IL18R1: variants seen among roughly 807,000 people sequenced by gnomAD.
IL18R1 encodes interleukin 18 receptor 1.
IL18R1 carries 40 observed loss-of-function variants against 48.5 expected under a neutral mutation model. The ratio of observed to expected loss-of-function variants is 0.82; its 90% CI spans 0.64 to 1.07. The LOEUF (loss-of-function observed/expected upper bound fraction) is 1.07. IL18R1 is among the 50% of genes least tolerant of loss of function. The pLI, the probability that IL18R1 is intolerant of heterozygous loss-of-function variation, is 0.00. For missense variants in IL18R1, 596 were observed against 633.7 expected (o/e 0.94, Z 0.64); for synonymous variants, 232 against 225.9 (o/e 1.03, Z -0.24).
At chr2:102,359,201 G>T (rs1013619036) in intron 1 of IL18R1, among the ~76,000 whole-genome samples, 2 of 152,120 alleles carry the variant, frequency 1.3e-5, no homozygotes, top group Non-Finnish European at 2.9e-5. Context: ...GGTATTTGAG[G>T]AAAGTAAGTT....
At position 102,382,274 on chromosome 2, in the gene IL18R1, A is replaced by AAATAAT. The variant is rs963661956; in HGVS notation, c.688+604_688+609dup. On this transcript the variant is annotated intron_variant, in intron 6 of 10. Transcript: ENST00000233957. The stretch of plus-strand genomic sequence containing the variant: ...GCAACGGAGCAAGACTCTATCTCAA[A>AAATAAT]AATAATAATAATAATAACAATAATA... Among the ~76,000 whole-genome samples the AAATAAT allele has an allele frequency of 4.1e-3, 625 of 152,140 alleles. 5 individuals are homozygous for AAATAAT. Among genetic ancestry groups the AAATAAT allele is most frequent in the African/African-American group, 0.014 (592 of 41,494 alleles).
At chr2:102,366,360 A>C (rs1168436607) in intron 2 of IL18R1, among the ~76,000 whole-genome samples, 2 of 152,174 alleles carry the variant, frequency 1.3e-5, no homozygotes, top group African/African-American at 4.8e-5. Flanking sequence ...CCTCATCTCC[A>C]TCTGAGACCA....
At chr2:102,360,736 C>T (rs6543123) in intron 1 of IL18R1, among the ~76,000 whole-genome samples, 66,807 of 152,018 alleles carry the variant, frequency 0.44, 16,463 homozygotes, top group African/African-American at 0.66. Context: ...TTAAGAGTTA[C>T]GGAAAAGCAA....
At chr2:102,357,501 A>G (rs975478335) in intron 1 of IL18R1, among the ~76,000 whole-genome samples, 1 of 151,190 alleles carries the variant, frequency 6.6e-6, no homozygotes, top group Non-Finnish European at 1.5e-5. Flanking sequence ...AAAAAAAAAA[A>G]AGAAAAAAAA....
chr2:102,378,461 C>A (rs929336746), intron 5 of IL18R1, among the ~76,000 whole-genome samples: 1 of 152,222 alleles, frequency 6.6e-6, no homozygotes, highest in African/African-American at 2.4e-5. Flanking sequence ...CAAACCTCAC[C>A]TGCAGCACAA....
Position 102,390,052 on chromosome 2 carries a change from C to T in IL18R1, c.950-4C>T. 7 of 1,613,282 alleles carry T rather than the reference C, an allele frequency of 4.3e-6. No individual in the cohort carries two copies. The highest frequency in any genetic ancestry group is 4.0e-5 in the African/African-American group (3 of 74,970). The stretch of plus-strand genomic sequence containing the variant: ...TTCTTTTCCTTTTTCCCTTTCTTTT[C>T]TAGCAGACATGGCTGATATCCCAGG... On this transcript the variant is annotated splice_polypyrimidine_tract_variant and splice_region_variant and intron_variant, in intron 8 of 10. Coordinates refer to ENST00000233957, the MANE Select transcript of IL18R1 (RefSeq NM_003855.5).
At chr2:102,383,895 G>A (rs1172832013) in intron 6 of IL18R1, among the ~76,000 whole-genome samples, 1 of 152,030 alleles carries the variant, frequency 6.6e-6, no homozygotes. Context: ...CTTTCAAACA[G>A]TTACAGTTTT....
intron 2 of IL18R1, among the ~76,000 whole-genome samples, chr2:102,366,672 T>A (rs1358899233): frequency 2.6e-5 from 4 of 152,104 alleles, no homozygotes; most frequent in African/African-American, 9.7e-5. Flanking sequence ...GGAGAAAGAT[T>A]TAATGGACTC....
chr2:102,380,797 A>G (rs1179900883), intron 5 of IL18R1, among the ~76,000 whole-genome samples: 1 of 152,182 alleles, frequency 6.6e-6, no homozygotes, highest in Non-Finnish European at 1.5e-5. Context: ...GATGTTCTGG[A>G]CATTGCTTGG....
chr2:102,387,537 C>G (rs1018774867), intron 8 of IL18R1, among the ~76,000 whole-genome samples: 41 of 152,204 alleles, frequency 2.7e-4, no homozygotes, highest in Admixed American at 1.3e-4. Flanking sequence ...GATGGAGGGC[C>G]CCAGGGTCGC....
intron 8 of IL18R1, 129 bp downstream of exon 8, chr2:102,387,129 T>C (rs1017886345): frequency 1.0e-6 from 1 of 956,038 alleles, no homozygotes; most frequent in African/African-American, 1.7e-5. Context: ...AGTCACCTCA[T>C]GTCACAGGCA....
At chr2:102,380,457 T>C (rs904589154) in intron 5 of IL18R1, among the ~76,000 whole-genome samples, 4 of 152,178 alleles carry the variant, frequency 2.6e-5, no homozygotes, top group Non-Finnish European at 5.9e-5. Flanking sequence ...CAAGCCGGTG[T>C]TGCTTCTTAC....
At chr2:102,359,801 C>T (rs1678470049) in intron 1 of IL18R1, among the ~76,000 whole-genome samples, 1 of 152,210 alleles carries the variant, frequency 6.6e-6, no homozygotes, top group Non-Finnish European at 1.5e-5. Flanking sequence ...AATCACTGTA[C>T]TGCCATCGAG....
chr2:102,391,275 C>T (rs1310690930), intron 9 of IL18R1, among the ~76,000 whole-genome samples: 1 of 152,142 alleles, frequency 6.6e-6, no homozygotes, highest in Non-Finnish European at 1.5e-5. Context: ...TCCCACCCCT[C>T]ATTGATAGCA....
chr2:102,365,501 G>C (rs780029816), intron 2 of IL18R1, among the ~76,000 whole-genome samples: 2 of 152,176 alleles, frequency 1.3e-5, no homozygotes, highest in South Asian at 4.1e-4. Context: ...TCATGGGCTG[G>C]TGTTGAGTTT....
intron 5 of IL18R1, among the ~76,000 whole-genome samples, 168 bp from the exon 6 acceptor site, chr2:102,381,452 G>T (rs1417710259): frequency 2.0e-5 from 3 of 152,190 alleles, no homozygotes; most frequent in Non-Finnish European, 4.4e-5. Flanking sequence ...GATACAAGGT[G>T]CTTTCAACAT....
intron 4 of IL18R1, among the ~76,000 whole-genome samples, chr2:102,375,428 G>T (rs1022549665): frequency 6.6e-6 from 1 of 152,126 alleles, no homozygotes; most frequent in Non-Finnish European, 1.5e-5. Flanking sequence ...GGTGTGGGTG[G>T]TCTGCTAGCT....
In IL18R1 at chr2:102,398,681, C is replaced by T. The variant is rs1680941056; in HGVS notation, c.*1795C>T. 1 of 152,296 alleles carries T rather than the reference C, an allele frequency of 6.6e-6. No individual in the cohort carries two copies. The allele number at this position is 152,296 out of a possible 1,614,324, so 9.4% of individuals were successfully genotyped here. ...TTTAAAATACTTGAAATATATTTTG[C>T]ATTAAATGCATTTCAAGTTAAATGT... On this transcript the variant is annotated 3_prime_UTR_variant, in exon 11 of 11. Transcript: ENST00000233957.
chr2:102,389,184 T>G (rs1680419532), intron 8 of IL18R1, among the ~76,000 whole-genome samples: 1 of 152,134 alleles, frequency 6.6e-6, no homozygotes, highest in Non-Finnish European at 1.5e-5. Context: ...TGAATTATAA[T>G]TTTAATGACC....
Sources: gnomAD v4.1 joint callset for allele counts (sites outside exome capture counted in the v4.1 genomes callset) on GRCh38, gnomAD v4.1.1 for gene constraint, MANE v1.5 for transcripts, NCBI Gene and HGNC (gene_info 2026-07-23, HGNC 2026-07-21) for gene names.